CHL1: variants seen among roughly 807,000 people sequenced by gnomAD.
The protein encoded by CHL1 is cell adhesion molecule L1 like.
Under a neutral mutation model 141.9 loss-of-function variants are expected in CHL1, and 96 were observed. The observed-to-expected ratio is 0.68, with a 90% CI of 0.57 to 0.80. The LOEUF (loss-of-function observed/expected upper bound fraction) is 0.80. Among genes scored for constraint, CHL1 ranks in the 30% least tolerant of loss-of-function variants. The pLI, the probability that CHL1 is intolerant of heterozygous loss-of-function variation, is 0.00. For missense variants in CHL1, 1,820 were observed against 1,457.2 expected, an observed-to-expected ratio of 1.25 and a Z score of -4.05; for synonymous variants, 613 against 502.2, an observed-to-expected ratio of 1.22 and a Z score of -2.95.
chr3:231,821 C>A (rs1240979999), intron 1 of CHL1, among the ~76,000 whole-genome samples: 1 of 152,050 alleles, frequency 6.6e-6, no homozygotes, highest in Non-Finnish European at 1.5e-5. Flanking sequence ...TGGTGATCCA[C>A]CCTCCTTGGC....
chr3:243,528 C>G (rs1692870419), intron 1 of CHL1, among the ~76,000 whole-genome samples: 1 of 152,156 alleles, frequency 6.6e-6, no homozygotes, highest in Non-Finnish European at 1.5e-5. Flanking sequence ...CAGTGTGTCA[C>G]TTGGTCAACT....
intron 1 of CHL1, among the ~76,000 whole-genome samples, chr3:213,948 A>G (rs1700098377): frequency 6.6e-6 from 1 of 152,344 alleles, no homozygotes; most frequent in African/African-American, 2.4e-5. Context: ...GCTTCCTCAC[A>G]TATTATAAAA....
intron 15 of CHL1, chr3:376,273 G>T: frequency 2.4e-6 from 1 of 413,000 alleles, no homozygotes; most frequent in Non-Finnish European, 4.7e-6. Flanking sequence ...GTGATTTTCT[G>T]TGTGACCCTA....
chr3:209,731 G>A (rs1031891339), intron 1 of CHL1, among the ~76,000 whole-genome samples: 10 of 152,172 alleles, frequency 6.6e-5, no homozygotes, highest in Admixed American at 5.9e-4. Context: ...CCCCACGACA[G>A]GCCCCGTGTG....
At chr3:281,304 A>G (rs890877990) in intron 2 of CHL1, among the ~76,000 whole-genome samples, 2 of 152,140 alleles carry the variant, frequency 1.3e-5, no homozygotes, top group Non-Finnish European at 2.9e-5. Context: ...CACAAACTTG[A>G]GAATTTACAT....
intron 13 of CHL1, 149 bp from the exon 14 acceptor site, chr3:363,068 T>G: frequency 1.6e-6 from 1 of 635,394 alleles, no homozygotes; most frequent in East Asian, 2.9e-5. Context: ...TGGTCCATTT[T>G]GAGAAAAATA....
chr3:331,476 G>A (rs750622336), intron 5 of CHL1, among the ~76,000 whole-genome samples: 1 of 151,914 alleles, frequency 6.6e-6, no homozygotes, highest in Non-Finnish European at 1.5e-5. Flanking sequence ...TCCCAGCCTC[G>A]AGCAATCTTC....
intron 5 of CHL1, among the ~76,000 whole-genome samples, chr3:334,046 T>C (rs1350848475): frequency 1.3e-5 from 2 of 152,174 alleles, no homozygotes; most frequent in East Asian, 3.8e-4. Context: ...AGCCTCATCC[T>C]CCTGGGCTCT....
At chr3:378,083 C>T in intron 16 of CHL1, 141 bp downstream of exon 16, 1 of 604,606 alleles carries the variant, frequency 1.7e-6, no homozygotes, top group Non-Finnish European at 2.6e-6. Context: ...AAAAGCAACA[C>T]AACTTCAAAT....
chr3:378,742 A>G (rs1245939885), intron 16 of CHL1, among the ~76,000 whole-genome samples: 1 of 152,206 alleles, frequency 6.6e-6, no homozygotes, highest in Non-Finnish European at 1.5e-5. Flanking sequence ...TCCCACTGCC[A>G]AAGTCATGGC....
chr3:294,866 C>T (rs1458387744), intron 2 of CHL1, among the ~76,000 whole-genome samples: 1 of 152,136 alleles, frequency 6.6e-6, no homozygotes, highest in Non-Finnish European at 1.5e-5. Flanking sequence ...AGTTACATGT[C>T]ATTAATTTAT....
intron 10 of CHL1, among the ~76,000 whole-genome samples, chr3:353,607 C>T (rs1027476916): frequency 1.3e-5 from 2 of 152,196 alleles, no homozygotes; most frequent in African/African-American, 4.8e-5. Context: ...TAGTTGTGTA[C>T]TTTTGTTTCC....
At chr3:304,611 T>A (rs1415874852) in intron 2 of CHL1, among the ~76,000 whole-genome samples, 5 of 152,132 alleles carry the variant, frequency 3.3e-5, no homozygotes, top group Non-Finnish European at 5.9e-5. Flanking sequence ...TTTTACTGCA[T>A]CTATTTGATT....
At chr3:402,532 GTATTGATTT>G (rs1268059096) in intron 27 of CHL1, among the ~76,000 whole-genome samples, 1 of 152,136 alleles carries the variant, frequency 6.6e-6, no homozygotes, top group African/African-American at 2.4e-5. Context: ...TTCCAGGTTT[GTATTGATTT>G]TAGCACATGG....
chr3:336,000 C>T (rs1479680868), intron 5 of CHL1, among the ~76,000 whole-genome samples: 2 of 152,130 alleles, frequency 1.3e-5, no homozygotes, highest in African/African-American at 2.4e-5. Flanking sequence ...ATTTAAATTT[C>T]AACATAAATC....
chr3:396,298 A>C (rs969417515), intron 24 of CHL1, among the ~76,000 whole-genome samples: 1 of 152,206 alleles, frequency 6.6e-6, no homozygotes, highest in Non-Finnish European at 1.5e-5. Flanking sequence ...CAATACAAAG[A>C]GAAGTCAGAG....
At position 394,815 on chromosome 3, in the gene CHL1, A is replaced by C. The variant is rs1308904130; in HGVS notation, c.3037A>C (p.Thr1013Pro). 2 of 1,614,018 alleles carry C rather than the reference A, an allele frequency of 1.2e-6. No individual in the cohort carries two copies. Among genetic ancestry groups the C allele is most frequent in the Non-Finnish European group, 1.7e-6 (2 of 1,179,986 alleles). Residue 1013 changes from threonine (T) to proline (P), a missense_variant, in exon 24 of 28, where the codon ACT (threonine) becomes CCT (proline). Coordinates refer to ENST00000256509, the MANE Select transcript of CHL1 (RefSeq NM_006614.4). The stretch of plus-strand genomic sequence containing the variant: ...GTACAAATTCTACTTGAGGGCTTGC[A>C]CTTCACAGGGCTGTGGAAAACCGAT... ...TKYKFYLRAC[T>P]SQGCGKPITE...
intron 2 of CHL1, among the ~76,000 whole-genome samples, chr3:253,057 G>A (rs1213550475): frequency 6.6e-6 from 1 of 152,006 alleles, no homozygotes; most frequent in African/African-American, 2.4e-5. Context: ...ATACTTACTA[G>A]TAATGTGTGC....
rs148394980 is a variant in CHL1 at position 252,577 on chromosome 3, A to T, written c.-95+7885A>T. On this transcript the variant is annotated intron_variant, in intron 2 of 27. Coordinates refer to ENST00000256509, the MANE Select transcript of CHL1 (RefSeq NM_006614.4). ...AGAAAACTGGGCCATTGATTTATTCAAGTTCGATTGTATATTTATCGAGTG... is the reference window on the plus strand; with the variant it reads ...AGAAAACTGGGCCATTGATTTATTCTAGTTCGATTGTATATTTATCGAGTG... Among the ~76,000 whole-genome samples the T allele has an allele frequency of 3.6e-3, 542 of 151,694 alleles. 4 individuals are homozygous for T. The highest frequency in any genetic ancestry group is 0.013 in the African/African-American group (520 of 41,420).
Sources: gnomAD v4.1 joint callset for allele counts (sites outside exome capture counted in the v4.1 genomes callset) on GRCh38, gnomAD v4.1.1 for gene constraint, MANE v1.5 for transcripts, NCBI Gene and HGNC (gene_info 2026-07-23, HGNC 2026-07-21) for gene names.